OPTN: variants seen among roughly 807,000 people sequenced by gnomAD.
OPTN encodes the protein optineurin, also known as E3-14.7K-interacting protein.
Under a neutral mutation model 70.4 loss-of-function variants are expected in OPTN, and 54 were observed. The ratio of observed to expected loss-of-function variants is 0.77; its 90% confidence interval spans 0.62 to 0.96. OPTN has a LOEUF of 0.96. OPTN is among the 40% of genes least tolerant of loss of function. The pLI is 0.00. For synonymous variants in OPTN, 256 were observed against 248.5 expected (o/e 1.03, Z -0.28); for missense variants, 624 against 673.2 (o/e 0.93, Z 0.81).
intron 5 of OPTN, among the ~76,000 whole-genome samples, chr10:13,114,367 C>G (rs1266127153): frequency 6.6e-6 from 1 of 151,906 alleles, no homozygotes; most frequent in Admixed American, 6.6e-5. Flanking sequence ...TGCAAGTGAT[C>G]GAAGATTACT....
intron 12 of OPTN, among the ~76,000 whole-genome samples, chr10:13,129,716 C>A (rs1833552484): frequency 6.6e-6 from 1 of 152,176 alleles, no homozygotes; most frequent in Non-Finnish European, 1.5e-5. Flanking sequence ...CTAAAACTGC[C>A]TAACCAAAAT....
intron 7 of OPTN, among the ~76,000 whole-genome samples, chr10:13,121,554 G>C (rs906669745): frequency 6.8e-6 from 1 of 148,006 alleles, no homozygotes; most frequent in Non-Finnish European, 1.5e-5. Flanking sequence ...GAGAGAGCAG[G>C]CATCCTTGTC....
At chr10:13,136,621 C>G in intron 14 of OPTN, 124 bp from the exon 15 acceptor site, 11 of 1,119,164 alleles carry the variant, frequency 9.8e-6, no homozygotes, top group Non-Finnish European at 1.3e-5. Context: ...CACCTGTGCT[C>G]ATGTCCCACT....
At chr10:13,120,094 T>TGCCTCAGTCTCCC (rs1166076369) in intron 7 of OPTN, among the ~76,000 whole-genome samples, 3 of 150,932 alleles carry the variant, frequency 2.0e-5, no homozygotes, top group Admixed American at 2.0e-4. Flanking sequence ...GCCATTCTCC[T>TGCCTCAGTCTCCC]GCCTCAGTCT....
At chr10:13,123,974 T>C in intron 8 of OPTN, 21 bp from the exon 9 acceptor site, 1 of 1,549,968 alleles carries the variant, frequency 6.5e-7, no homozygotes, top group Non-Finnish European at 8.9e-7. Context: ...ACAGATATGT[T>C]TGGGATTTCC....
At chr10:13,132,555 C>T (rs763492890) in intron 13 of OPTN, among the ~76,000 whole-genome samples, 1 of 151,906 alleles carries the variant, frequency 6.6e-6, no homozygotes, top group Non-Finnish European at 1.5e-5. Flanking sequence ...TCACTCCTGT[C>T]ACCCAGGCTG....
At chr10:13,119,741 A>G (rs1833300546) in intron 7 of OPTN, among the ~76,000 whole-genome samples, 1 of 152,212 alleles carries the variant, frequency 6.6e-6, no homozygotes, top group Non-Finnish European at 1.5e-5. Context: ...CTTTGACTTC[A>G]GCCATCCTAG....
chr10:13,104,721 C>T (rs866104942), intron 1 of OPTN: 44 of 685,408 alleles, frequency 6.4e-5, no homozygotes, highest in Admixed American at 9.0e-5. Flanking sequence ...ATTCCTTGGA[C>T]GTGTCTGCCA....
chr10:13,113,982 T>A (rs1833066754), intron 5 of OPTN, among the ~76,000 whole-genome samples: 1 of 152,088 alleles, frequency 6.6e-6, no homozygotes, highest in Non-Finnish European at 1.5e-5. Flanking sequence ...GGAGGATCAC[T>A]TGAACCTGGG....
intron 3 of OPTN, 168 bp from the exon 4 acceptor site, chr10:13,110,106 T>C (rs1006440917): frequency 7.8e-7 from 1 of 1,284,932 alleles, no homozygotes; most frequent in East Asian, 2.6e-5. Context: ...TAGTCTTTTC[T>C]GTAAGCAAAA....
At chr10:13,104,254 CTTTTTTTTTTTTTTT>C (rs60982439) in intron 1 of OPTN, among the ~76,000 whole-genome samples, 9 of 97,840 alleles carry the variant, frequency 9.2e-5, no homozygotes, top group African/African-American at 3.6e-4. Flanking sequence ...GTTTTTTTTT[CTTTTTTTTTTTTTTT>C]TTTTTTGTGA....
chr10:13,125,526 A>G lies in OPTN; in HGVS notation c.1107A>G (p.Leu369=), dbSNP rs149806984. 32 of 1,614,078 alleles carry G rather than the reference A, an allele frequency of 2.0e-5. No homozygotes were observed. The highest frequency in any genetic ancestry group is 1.6e-4 in the Middle Eastern group (1 of 6,084). Residue 369 remains leucine, a synonymous_variant, in exon 10 of 15, where the codon CTA becomes CTG. Transcript: ENST00000378747. ...TAGAGCTACAAGTGGAAAGCATGCT[A>G]TCAGAAATCAAAATGGAACAGGCTA... ...KKLELQVESM[L]SEIKMEQAKT...
At chr10:13,126,838 G>A (rs114393376) in intron 11 of OPTN, among the ~76,000 whole-genome samples, 2,560 of 152,152 alleles carry the variant, frequency 0.017, 60 homozygotes, top group African/African-American at 0.058. Flanking sequence ...GACCAGCCTG[G>A]GCAACAGGGA....
Position 13,132,087 on chromosome 10 carries a change from T to C in OPTN, c.1422T>C (p.Asp474=), listed in dbSNP as rs1255116960. 1 of 1,613,140 alleles carries C rather than the reference T, an allele frequency of 6.2e-7. No homozygotes were observed. The highest frequency in any genetic ancestry group is 1.1e-5 in the South Asian group (1 of 91,046). The change falls in exon 13 of 15, where the codon GAT becomes GAC. Residue 474 remains aspartate (D), a synonymous_variant. Transcript: ENST00000378747. ...AACAGATGGAAGTTTACTGTTCTGATTTTCATGCTGAAAGAGCAGCGAGAG... is the reference window on the plus strand; with the variant it reads ...AACAGATGGAAGTTTACTGTTCTGACTTTCATGCTGAAAGAGCAGCGAGAG... The part of the protein sequence containing the change: ...LRAQMEVYCS[D]FHAERAAREK...
rs56147136 is a variant in OPTN at position 13,128,502 on chromosome 10, CTTTTTTTTTTTTTTTTT to C, written c.1401+615_1401+631del. On this transcript the variant is annotated intron_variant, in intron 12 of 14. Transcript: ENST00000378747. ...TTGTGAAGTGCCTTATCAAGCCTGC[CTTTTTTTTTTTTTTTTT>C]TTTTTTTTTTTTTTTGGTTTGGTTT... Among the ~76,000 whole-genome samples, 142 of 33,500 alleles carry C rather than the reference CTTTTTTTTTTTTTTTTT, an allele frequency of 4.2e-3. 1 individual carries two copies. Among genetic ancestry groups the C allele is most frequent in the East Asian group, 6.6e-3 (10 of 1,516 alleles). 22.0% of individuals were successfully genotyped at this position (33,500 alleles called of 152,430 possible). A position where few individuals can be genotyped will look rare whatever the true frequency, so the allele number is the denominator to read the frequency against.
Position 13,118,963 on chromosome 10 carries a change from C to A in OPTN, c.702C>A (p.Ser234Arg). ...NYFEHEELTVSQLLLCLREGN... is the reference protein window; with the variant it reads ...NYFEHEELTVRQLLLCLREGN... ...TCGAACATGAGGAGTTAACTGTGAG[C>A]CAGCTCCTGCTGTGCCTAAGGGAAG... Residue 234 changes from serine to arginine, a missense_variant, in exon 7 of 15, where the codon AGC becomes AGA. Transcript: ENST00000378747. The A allele has an allele frequency of 1.2e-6, 2 of 1,613,752 alleles. 1 individual carries two copies. The highest frequency in any genetic ancestry group is 1.7e-6 in the Non-Finnish European group (2 of 1,179,692).
intron 11 of OPTN, 78 bp downstream of exon 11, chr10:13,126,117 C>A: frequency 1.2e-6 from 1 of 851,284 alleles, no homozygotes; most frequent in Non-Finnish European, 2.0e-6. Flanking sequence ...AAAATAGTTA[C>A]ATGAATCCTT....
chr10:13,125,182 A>C (rs558353968), intron 9 of OPTN, among the ~76,000 whole-genome samples: 69 of 152,344 alleles, frequency 4.5e-4, no homozygotes, highest in Non-Finnish European at 8.8e-4. Flanking sequence ...ACAATTATTC[A>C]AAGAGGACAG....
chr10:13,133,461 T>C, intron 13 of OPTN, 41 bp from the exon 14 acceptor site: 1 of 1,558,460 alleles, frequency 6.4e-7, no homozygotes, highest in Non-Finnish European at 8.9e-7. Flanking sequence ...TGTTTCGGGG[T>C]TGTAGAACAT....
Sources: allele counts gnomAD v4.1 joint callset (sites outside exome capture counted in the v4.1 genomes callset), GRCh38; gene constraint gnomAD v4.1.1; transcripts MANE v1.5; gene names NCBI Gene and HGNC (gene_info 2026-07-23, HGNC 2026-07-21).